CD163: variants seen among roughly 807,000 people sequenced by gnomAD.
CD163 encodes the protein CD163 molecule, also known as scavenger receptor cysteine-rich type 1 protein M130.
CD163 carries 64 observed loss-of-function variants against 129.2 expected under a neutral mutation model. That is an observed-to-expected ratio of 0.50 (90% CI 0.41 to 0.61). The LOEUF is 0.61. Ranked by LOEUF, CD163 falls within the 20% of genes least tolerant of loss-of-function variation. The pLI, the probability that CD163 is intolerant of heterozygous loss-of-function variation, is 0.00. For synonymous variants in CD163, 446 were observed against 478.5 expected (o/e 0.93, Z 0.89); for missense variants, 1,061 against 1,377.9 (o/e 0.77, Z 3.64).
chr12:7,496,728 G>A lies in CD163; in HGVS notation c.1099+85C>T, dbSNP rs772073545. 15 of 1,146,120 alleles carry A rather than the reference G, an allele frequency of 1.3e-5. No individual in the cohort carries two copies. The Admixed American group carries it at 2.1e-4, about 16-fold the overall frequency. 71.0% of individuals were successfully genotyped at this position (1,146,120 alleles called of 1,614,324 possible). A position where few individuals can be genotyped will look rare whatever the true frequency, so the allele number is the denominator to read the frequency against. On this transcript the variant is annotated intron_variant, in intron 5 of 16. Transcript: ENST00000432237. The surrounding 1 kb of genome is among the most constrained non-coding windows in gnomAD (Gnocchi z 4.8). Reference sequence around the variant, plus strand: ...GGCATTTCTACTTCTTAAGGAGCACGTTCCTACTCTTAAGGAGCACAGGAC... The same window carrying A: ...GGCATTTCTACTTCTTAAGGAGCACATTCCTACTCTTAAGGAGCACAGGAC...
chr12:7,485,001 G>A lies in CD163; in HGVS notation c.2779+95C>T. ...TAATTCAATCTAACAATTTAAGCCA[G>A]TGTGAGAATAGGAAAATAAAATCCA... On this transcript the variant is annotated intron_variant, in intron 11 of 16. Coordinates refer to ENST00000432237, the MANE Select transcript of CD163 (RefSeq NM_203416.4). This position sits in a 1 kb window ranked among gnomAD's most constrained non-coding sequence, Gnocchi z 4.5. 1 of 1,119,904 alleles carries A rather than the reference G, an allele frequency of 8.9e-7. No individual in the cohort carries two copies. The highest frequency in any genetic ancestry group is 1.3e-6 in the Non-Finnish European group (1 of 783,264). The allele number at this position is 1,119,904 out of a possible 1,614,324, so 69.4% of individuals were successfully genotyped here. A position where few individuals can be genotyped will look rare whatever the true frequency, so the allele number is the denominator to read the frequency against.
At position 7,483,775 on chromosome 12, in the gene CD163, A is replaced by C. The variant is rs915014212; in HGVS notation, c.2780-100T>G. On this transcript the variant is annotated intron_variant, in intron 11 of 16. Transcript: ENST00000432237. ...ATTTGAAACTTAAAAAAAAAAAAAA[A>C]CTATTTAAAATTTTACTGAATGTGC... 49 of 503,112 alleles carry C rather than the reference A, an allele frequency of 9.7e-5. 1 individual carries two copies. Among genetic ancestry groups the C allele is most frequent in the Non-Finnish European group, 6.2e-6 (2 of 324,726 alleles). The allele number at this position is 503,112 out of a possible 1,614,324, so 31.2% of individuals were successfully genotyped here.
At chr12:7,479,512 C>A (rs1199804714) in intron 16 of CD163, among the ~76,000 whole-genome samples, 1 of 152,078 alleles carries the variant, frequency 6.6e-6, no homozygotes, top group Admixed American at 6.6e-5. Flanking sequence ...CTTGTACAGT[C>A]TTTACCATAG....
intron 6 of CD163, 139 bp from the exon 7 acceptor site, chr12:7,488,226 T>G: frequency 1.1e-6 from 1 of 906,994 alleles, no homozygotes; most frequent in Non-Finnish European, 1.6e-6. Context: ...TGTCTTGGCT[T>G]TTCTGCCTCG....
chr12:7,497,570 C>T (rs1005552348), intron 4 of CD163, among the ~76,000 whole-genome samples: 1 of 152,158 alleles, frequency 6.6e-6, no homozygotes, highest in Non-Finnish European at 1.5e-5. Flanking sequence ...GTGTTGTACA[C>T]CTGAACCTGT....
chr12:7,480,780 C>G (rs1449945123), intron 15 of CD163: 1 of 669,388 alleles, frequency 1.5e-6, no homozygotes, highest in Non-Finnish European at 1.9e-6. Flanking sequence ...CTATATACAT[C>G]CCATAAAATC....
intron 4 of CD163, 33 bp from the exon 5 acceptor site, chr12:7,497,166 A>C: frequency 6.4e-7 from 1 of 1,560,982 alleles, no homozygotes; most frequent in Non-Finnish European, 8.8e-7. Flanking sequence ...GTCTGCGATA[A>C]GGAAGCAAGA....
intron 11 of CD163, 168 bp from the exon 12 acceptor site, chr12:7,483,843 T>TATATATATATATATA (rs1259483569): frequency 1.6e-4 from 6 of 38,386 alleles, no homozygotes; most frequent in African/African-American, 5.0e-4. Context: ...ATATATATAT[T>TATATATATATATATA]TTTTTTTTTT....
At chr12:7,486,471 A>T (rs1387446049) in intron 10 of CD163, 28 bp downstream of exon 10, 2 of 1,591,436 alleles carry the variant, frequency 1.3e-6, no homozygotes. Context: ...CTATGTAATT[A>T]TGACCAAAGG....
In CD163 at chr12:7,495,098, G is replaced by C. The variant is rs1357486748; in HGVS notation, c.1403C>G (p.Ala468Gly). 2 of 1,613,636 alleles carry C rather than the reference G, an allele frequency of 1.2e-6. No homozygotes were observed. Among genetic ancestry groups the C allele is most frequent in the East Asian group, 2.2e-5 (1 of 44,878 alleles). ...AGTCATACCTGAGCAGGTAATTTTG[G>C]CTTCTTCATAGTGATCACAGGTAAG... is the stretch of plus-strand genomic sequence containing the variant. Reference protein sequence around the residue: ...GGLTCDHYEEAKITCSAHREP... With the variant: ...GGLTCDHYEEGKITCSAHREP... Residue 468 changes from alanine (A) to glycine (G), a missense_variant, in exon 6 of 17, where the codon GCC becomes GGC. By Grantham distance (60) the Ala-to-Gly change is moderately conservative. Transcript: ENST00000432237.
In CD163 at chr12:7,495,284, T is replaced by G; in HGVS notation, c.1217A>C (p.Glu406Ala). The G allele has an allele frequency of 6.2e-7, 1 of 1,614,126 alleles. No individual in the cohort carries two copies. The highest frequency in any genetic ancestry group is 2.2e-5 in the East Asian group (1 of 44,878). ...CAGCTGCCTGCAAACCACATCAGCT[T>G]CTTTCAGTCCCCAGCCTCTGTCACA... ...KVCDRGWGLK[E>A]ADVVCRQLGC... The change falls in exon 6 of 17, where the codon GAA becomes GCA. Residue 406 changes from glutamate (E) to alanine (A), a missense_variant. Coordinates refer to ENST00000432237, the MANE Select transcript of CD163 (RefSeq NM_203416.4).
rs1441974939 is a variant in CD163 at position 7,482,772 on chromosome 12, A to C, written c.3128-10T>G. 6.2e-7 allele frequency: 1 copy of C among 1,613,856 alleles called. No individual in the cohort carries two copies. Among genetic ancestry groups the C allele is most frequent in the Non-Finnish European group, 8.5e-7 (1 of 1,179,890 alleles). ...TGACGGGATGAGCGACCTAAGTAAAAGTAAATATCAAGAGATATGATCATG... is the reference window on the plus strand; with the variant it reads ...TGACGGGATGAGCGACCTAAGTAAACGTAAATATCAAGAGATATGATCATG... On this transcript the variant is annotated splice_polypyrimidine_tract_variant and intron_variant, in intron 13 of 16. Coordinates refer to ENST00000432237, the MANE Select transcript of CD163 (RefSeq NM_203416.4).
intron 6 of CD163, 80 bp downstream of exon 6, chr12:7,495,001 G>T: frequency 9.4e-7 from 1 of 1,065,080 alleles, no homozygotes; most frequent in Non-Finnish European, 1.4e-6. Flanking sequence ...TAGTCATAAG[G>T]ACCAATGTTT....
Position 7,501,361 on chromosome 12 carries a change from C to T in CD163, c.235G>A (p.Gly79Ser). ...QEEWGTVCNNGWSMEAVSVIC... is the reference protein window; with the variant it reads ...QEEWGTVCNNSWSMEAVSVIC... The stretch of plus-strand genomic sequence containing the variant: ...ACAGAGACCGCTTCCATGCTCCAGC[C>T]ATTATTACACACCGTTCCCCACTCC... The change falls in exon 3 of 17, where the codon GGC becomes AGC. Residue 79 changes from glycine to serine, a missense_variant. Physicochemically the swap from Gly to Ser is moderately conservative, Grantham distance 56. Transcript: ENST00000432237. 6.2e-7 allele frequency: 1 copy of T among 1,614,152 alleles called. No homozygotes were observed. The highest frequency in any genetic ancestry group is 8.5e-7 in the Non-Finnish European group (1 of 1,180,012).
rs376975417 is a variant in CD163 at position 7,497,147 on chromosome 12, A to G, written c.779-14T>C. The G allele has an allele frequency of 1.4e-4, 218 of 1,605,608 alleles. No homozygotes were observed. The African/African-American group carries it at 1.8e-3, about 13-fold the overall frequency. On this transcript the variant is annotated splice_polypyrimidine_tract_variant and intron_variant, in intron 4 of 16. Coordinates refer to ENST00000432237, the MANE Select transcript of CD163 (RefSeq NM_203416.4). ...GATCTGCTCCCTCTGTAACAGAGAC[A>G]CACAACAGGTCTGCGATAAGGAAGC...
chr12:7,501,582 C>T, intron 2 of CD163, 120 bp from the exon 3 acceptor site: 1 of 686,570 alleles, frequency 1.5e-6, no homozygotes, highest in Non-Finnish European at 2.5e-6. Flanking sequence ...TAGTCCTATC[C>T]ATGGTAAAAC....
chr12:7,501,262 G>C lies in CD163; in HGVS notation c.334C>G (p.Arg112Gly). The C allele has an allele frequency of 6.2e-7, 1 of 1,614,112 alleles. No homozygotes were observed. Among genetic ancestry groups the C allele is most frequent in the Non-Finnish European group, 8.5e-7 (1 of 1,180,008 alleles). The stretch of plus-strand genomic sequence containing the variant: ...CAAGAAACATGATCCATCCAAATGC[G>C]TCCAGAACCTGCACTGGAATTAGCC... ...GWANSSAGSG[R>G]IWMDHVSCRG... Residue 112 changes from arginine to glycine, a missense_variant, in exon 3 of 17, where the codon CGC becomes GGC. By Grantham distance (125) the Arg-to-Gly change is moderately radical (BLOSUM62 -2). Coordinates refer to ENST00000432237, the MANE Select transcript of CD163 (RefSeq NM_203416.4).
chr12:7,499,045 C>T lies in CD163; in HGVS notation c.601G>A (p.Glu201Lys), dbSNP rs781461121. ...GAGAAACTGACAGCACTTCCACATTCAAGTTGTCTACAAATGACAGATGCA... is the reference window on the plus strand; with the variant it reads ...GAGAAACTGACAGCACTTCCACATTTAAGTTGTCTACAAATGACAGATGCA... The part of the protein sequence containing the change: ...DHASVICRQL[E>K]CGSAVSFSGS... The change falls in exon 4 of 17, where the codon GAA becomes AAA. Residue 201 changes from glutamate (E) to lysine (K), a missense_variant. Physicochemically the swap from Glu to Lys is moderately conservative, Grantham distance 56. Transcript: ENST00000432237. 75 of 1,614,038 alleles carry T rather than the reference C, an allele frequency of 4.6e-5. No homozygotes were observed. Among genetic ancestry groups the T allele is most frequent in the Middle Eastern group, 1.6e-4 (1 of 6,084 alleles).
At chr12:7,480,897 C>A in intron 15 of CD163, 1 of 1,095,954 alleles carries the variant, frequency 9.1e-7, no homozygotes. Flanking sequence ...AAATGAGGTC[C>A]AAGTCATAAT....
Sources: allele counts gnomAD v4.1 joint callset (sites outside exome capture counted in the v4.1 genomes callset), GRCh38; gene constraint gnomAD v4.1.1; non-coding constraint Gnocchi (gnomAD v3.1); transcripts MANE v1.5; gene names NCBI Gene and HGNC (gene_info 2026-07-23, HGNC 2026-07-21).